The following ADGRG7 variants were observed in gnomAD, a reference collection of about 807,000 sequenced individuals.
ADGRG7 encodes the protein G-protein coupled receptor 128.
A neutral mutation model predicts 88.6 loss-of-function variants in ADGRG7; 82 were observed. The ratio of observed to expected loss-of-function variants is 0.93; its 90% CI spans 0.77 to 1.11. The LOEUF (loss-of-function observed/expected upper bound fraction) is 1.11. Among genes scored for constraint, ADGRG7 ranks in the 50% most tolerant of loss-of-function variants. ADGRG7 has a pLI of 0.00. For synonymous variants in ADGRG7, 381 were observed against 345.2 expected (o/e 1.10, Z -1.15); for missense variants, 945 against 953.4 (o/e 0.99, Z 0.12).
rs774227868 is a variant in ADGRG7 at position 100,694,849 on chromosome 3, C to A, written c.2242C>A (p.Pro748Thr). Residue 748 changes from proline (P) to threonine (T), a missense_variant, in exon 16 of 16, where the codon CCT becomes ACT. Physicochemically the swap from Pro to Thr is conservative, Grantham distance 38 (BLOSUM62 -1). Transcript: ENST00000273352. ...LSSIGRRKSL[P>T]SVTRPRLRVK... ...GTCTATTGGGAGAAGGAAGTCATTG[C>A]CTTCAGTGACGCGGCCGAGGCTGCG... 3 of 1,614,036 alleles carry A rather than the reference C, an allele frequency of 1.9e-6. No homozygotes were observed. Among genetic ancestry groups the A allele is most frequent in the Admixed American group, 1.7e-5 (1 of 60,008 alleles).
intron 15 of ADGRG7, among the ~76,000 whole-genome samples, chr3:100,677,664 T>G (rs952437714): frequency 6.6e-6 from 1 of 152,166 alleles, no homozygotes; most frequent in Non-Finnish European, 1.5e-5. Flanking sequence ...CTATTTCTCC[T>G]TCATGTTTGA....
intron 15 of ADGRG7, among the ~76,000 whole-genome samples, chr3:100,673,406 G>T (rs1465412488): frequency 6.6e-6 from 1 of 151,166 alleles, no homozygotes; most frequent in Non-Finnish European, 1.5e-5. Flanking sequence ...TGGGATCAGT[G>T]GTGATATCCC....
At chr3:100,653,789 G>A (rs2094933451) in intron 11 of ADGRG7, among the ~76,000 whole-genome samples, 2 of 151,718 alleles carry the variant, frequency 1.3e-5, no homozygotes, top group Non-Finnish European at 1.5e-5. Flanking sequence ...GGACTTTCAT[G>A]CAATTTTTTT....
rs1185521352 is a variant in ADGRG7, at chr3:100,685,673, C to T, written c.2137-9071C>T. Among the ~76,000 whole-genome samples, 4 of 152,096 alleles carry T rather than the reference C, an allele frequency of 2.6e-5. No individual in the cohort carries two copies. The East Asian group carries it at 7.7e-4, about 29-fold the overall frequency. ...GTTTGCTGAGAATGATGGTTTCCAG[C>T]TTCATCCATGTCCCTACAAAGGACA... On this transcript the variant is annotated intron_variant, in intron 15 of 15. Transcript: ENST00000273352.
At chr3:100,637,201 C>G in intron 5 of ADGRG7, 101 bp from the exon 6 acceptor site, 3 of 777,534 alleles carry the variant, frequency 3.9e-6, no homozygotes, top group Non-Finnish European at 6.6e-6. Context: ...ATTATCATAT[C>G]AGTGATGCCA....
chr3:100,632,031 A>G (rs551049937), intron 3 of ADGRG7, among the ~76,000 whole-genome samples: 1 of 151,836 alleles, frequency 6.6e-6, no homozygotes, highest in East Asian at 1.9e-4. Flanking sequence ...ACCATACTAT[A>G]CTATATGGTA....
At chr3:100,637,941 A>G (rs1707573526) in intron 6 of ADGRG7, among the ~76,000 whole-genome samples, 1 of 152,218 alleles carries the variant, frequency 6.6e-6, no homozygotes, top group South Asian at 2.1e-4. Context: ...GAATGTGTAG[A>G]TGAGCAAGTG....
intron 13 of ADGRG7, among the ~76,000 whole-genome samples, chr3:100,657,686 G>C (rs1432524062): frequency 6.6e-6 from 1 of 152,168 alleles, no homozygotes; most frequent in African/African-American, 2.4e-5. Flanking sequence ...ATGCTCTGCA[G>C]ACCTCAAGTC....
At chr3:100,648,053 C>T (rs1264873608) in intron 10 of ADGRG7, among the ~76,000 whole-genome samples, 1 of 152,150 alleles carries the variant, frequency 6.6e-6, no homozygotes, top group Non-Finnish European at 1.5e-5. Context: ...GATCTGCCTT[C>T]TCAATCAGGA....
At chr3:100,631,529 C>T (rs1358526422) in intron 3 of ADGRG7, among the ~76,000 whole-genome samples, 5 of 152,052 alleles carry the variant, frequency 3.3e-5, no homozygotes, top group African/African-American at 7.2e-5. Context: ...CCCTTGTTTG[C>T]CTTGACTTGC....
chr3:100,632,808 T>C (rs1250417402), intron 3 of ADGRG7, among the ~76,000 whole-genome samples: 5 of 152,196 alleles, frequency 3.3e-5, no homozygotes, highest in African/African-American at 9.7e-5. Context: ...GTGATAATCC[T>C]AGGAAATAAA....
intron 10 of ADGRG7, among the ~76,000 whole-genome samples, chr3:100,647,900 A>G (rs1707782139): frequency 6.6e-6 from 1 of 152,242 alleles, no homozygotes; most frequent in African/African-American, 2.4e-5. Context: ...GGTAGAACAT[A>G]CTGGTATAGC....
chr3:100,677,092 T>G (rs2094966426), intron 15 of ADGRG7, among the ~76,000 whole-genome samples: 1 of 152,082 alleles, frequency 6.6e-6, no homozygotes, highest in African/African-American at 2.4e-5. Flanking sequence ...GTGTTATTAT[T>G]GTGTTATTAT....
At chr3:100,686,060 C>T (rs1416727898) in intron 15 of ADGRG7, among the ~76,000 whole-genome samples, 6 of 151,190 alleles carry the variant, frequency 4.0e-5, no homozygotes, top group Admixed American at 1.3e-4. Flanking sequence ...TTTTAATGAT[C>T]GCCATTGTAA....
chr3:100,634,099 G>A (rs1176789258), intron 4 of ADGRG7, among the ~76,000 whole-genome samples: 1 of 152,160 alleles, frequency 6.6e-6, no homozygotes, highest in African/African-American at 2.4e-5. Context: ...TCTATGAGCA[G>A]GTGAAATAGA....
intron 14 of ADGRG7, among the ~76,000 whole-genome samples, chr3:100,664,849 T>C (rs2094949814): frequency 1.3e-5 from 2 of 152,172 alleles, no homozygotes; most frequent in South Asian, 2.1e-4. Context: ...TAATTACCAA[T>C]ATAAGGAAAC....
chr3:100,692,478 A>G (rs2094995591), intron 15 of ADGRG7, among the ~76,000 whole-genome samples: 1 of 152,182 alleles, frequency 6.6e-6, no homozygotes. Flanking sequence ...TTCTCCATGC[A>G]TAGGAGGGGG....
intron 15 of ADGRG7, among the ~76,000 whole-genome samples, chr3:100,685,076 C>T (rs1327941809): frequency 2.0e-5 from 3 of 151,960 alleles, no homozygotes; most frequent in South Asian, 2.1e-4. Flanking sequence ...TTTTGCCAGT[C>T]GTTTTATATT....
intron 2 of ADGRG7, among the ~76,000 whole-genome samples, chr3:100,630,180 TTCAA>T (rs901629393): frequency 2.0e-4 from 31 of 151,974 alleles, no homozygotes; most frequent in Middle Eastern, 3.2e-3. Flanking sequence ...GTGGTTTGAT[TTCAA>T]TCAATTGTGT....
Sources: gnomAD v4.1 joint callset for allele counts (sites outside exome capture counted in the v4.1 genomes callset) on GRCh38, gnomAD v4.1.1 for gene constraint, MANE v1.5 for transcripts, NCBI Gene and HGNC (gene_info 2026-07-23, HGNC 2026-07-21) for gene names.